Variants in DYNC1I1 observed in about 807,000 individuals in gnomAD.
The protein encoded by DYNC1I1 is cytoplasmic dynein 1 intermediate chain 1.
A neutral mutation model predicts 86.6 loss-of-function variants in DYNC1I1; 43 were observed. The ratio of observed to expected loss-of-function variants is 0.50; its 90% CI spans 0.39 to 0.64. DYNC1I1 has a LOEUF of 0.64. DYNC1I1 is among the 30% of genes least tolerant of loss of function. The pLI is 0.00. For synonymous variants in DYNC1I1, 262 were observed against 283.7 expected (o/e 0.92, Z 0.77); for missense variants, 604 against 788.8 (o/e 0.77, Z 2.81).
At chr7:95,817,607 T>C (rs1794976130) in intron 4 of DYNC1I1, among the ~76,000 whole-genome samples, 1 of 152,216 alleles carries the variant, frequency 6.6e-6, no homozygotes, top group Non-Finnish European at 1.5e-5. Flanking sequence ...GATCCTCTCA[T>C]AGAACATGTT....
intron 6 of DYNC1I1, among the ~76,000 whole-genome samples, chr7:95,937,825 A>G (rs573558694): frequency 6.6e-6 from 1 of 152,230 alleles, no homozygotes; most frequent in East Asian, 1.9e-4. Context: ...ATACAGAAAA[A>G]CAAGAAGAAA....
chr7:95,774,876 C>T (rs571528187), intron 1 of DYNC1I1, among the ~76,000 whole-genome samples: 51 of 152,306 alleles, frequency 3.3e-4, no homozygotes, highest in African/African-American at 1.1e-3. Context: ...ATCCTGTTAC[C>T]GTTTTCTCCA....
At chr7:95,930,074 A>G (rs543000050) in intron 6 of DYNC1I1, among the ~76,000 whole-genome samples, 32 of 152,338 alleles carry the variant, frequency 2.1e-4, no homozygotes, top group Admixed American at 1.5e-3. Flanking sequence ...GCATTGACAG[A>G]TGGCTCCCCA....
At chr7:95,846,409 G>T (rs1789426667) in intron 5 of DYNC1I1, among the ~76,000 whole-genome samples, 1 of 152,000 alleles carries the variant, frequency 6.6e-6, no homozygotes, top group East Asian at 1.9e-4. Flanking sequence ...CTTCTGTTCA[G>T]GAAAAATGCT....
chr7:95,855,188 T>A (rs1789686920), intron 5 of DYNC1I1, among the ~76,000 whole-genome samples: 1 of 152,208 alleles, frequency 6.6e-6, no homozygotes, highest in South Asian at 2.1e-4. Flanking sequence ...TATACTTCAT[T>A]TCTGAAGGAC....
chr7:95,922,435 TTTTGCTCGG>T (rs1185247068), intron 6 of DYNC1I1, among the ~76,000 whole-genome samples: 1 of 152,102 alleles, frequency 6.6e-6, no homozygotes, highest in Non-Finnish European at 1.5e-5. Flanking sequence ...CCAAAACCTA[TTTTGCTCGG>T]TTTGCCTTTC....
intron 6 of DYNC1I1, among the ~76,000 whole-genome samples, chr7:95,901,216 A>G (rs1391128460): frequency 6.6e-6 from 1 of 152,220 alleles, no homozygotes; most frequent in African/African-American, 2.4e-5. Flanking sequence ...ACAGTCATTG[A>G]CTAGTGCCCA....
At chr7:95,814,741 T>C (rs1199609017) in intron 4 of DYNC1I1, among the ~76,000 whole-genome samples, 1 of 152,092 alleles carries the variant, frequency 6.6e-6, no homozygotes, top group Non-Finnish European at 1.5e-5. Flanking sequence ...ACTTGAATAT[T>C]TTGTTTTCGT....
intron 5 of DYNC1I1, among the ~76,000 whole-genome samples, chr7:95,839,536 A>G (rs1254748327): frequency 6.6e-6 from 1 of 152,118 alleles, no homozygotes; most frequent in African/African-American, 2.4e-5. Flanking sequence ...TACATAATTT[A>G]GTTATAGTCA....
At chr7:96,086,002 C>G (rs1790669122) in intron 16 of DYNC1I1, among the ~76,000 whole-genome samples, 1 of 152,142 alleles carries the variant, frequency 6.6e-6, no homozygotes, top group Non-Finnish European at 1.5e-5. Context: ...TGCCATGTCT[C>G]CATTACTGAA....
intron 6 of DYNC1I1, among the ~76,000 whole-genome samples, chr7:95,947,908 T>A (rs1316702002): frequency 6.6e-6 from 1 of 152,062 alleles, no homozygotes; most frequent in Admixed American, 6.5e-5. Context: ...GTTTGCCCTG[T>A]TGCACTGTAA....
intron 6 of DYNC1I1, among the ~76,000 whole-genome samples, chr7:95,889,151 C>T (rs1264108465): frequency 6.6e-6 from 1 of 152,118 alleles, no homozygotes; most frequent in African/African-American, 2.4e-5. Flanking sequence ...TGGCTGTATA[C>T]TCAAAATTGT....
intron 5 of DYNC1I1, among the ~76,000 whole-genome samples, chr7:95,843,711 A>AG (rs1354376715): frequency 6.6e-6 from 1 of 152,210 alleles, no homozygotes; most frequent in Non-Finnish European, 1.5e-5. Context: ...AGAAAAAAAA[A>AG]TGACTTCAAG....
chr7:95,789,179 G>A (rs778986868), intron 1 of DYNC1I1, among the ~76,000 whole-genome samples: 3 of 152,198 alleles, frequency 2.0e-5, no homozygotes, highest in South Asian at 2.1e-4. Context: ...TTATCCATTC[G>A]TGTACAAAAT....
intron 16 of DYNC1I1, among the ~76,000 whole-genome samples, chr7:96,090,218 A>T (rs1790800154): frequency 6.6e-6 from 1 of 152,038 alleles, no homozygotes; most frequent in African/African-American, 2.4e-5. Flanking sequence ...TTTGTGAATT[A>T]ACTCTTTCTT....
intron 1 of DYNC1I1, among the ~76,000 whole-genome samples, chr7:95,798,383 G>A (rs1430518611): frequency 6.9e-6 from 1 of 144,666 alleles, no homozygotes; most frequent in Non-Finnish European, 1.5e-5. Flanking sequence ...GTGGTCGTCT[G>A]TATCATCCCT....
chr7:95,773,097 CG>C (rs1793748289), intron 1 of DYNC1I1, among the ~76,000 whole-genome samples: 1 of 152,182 alleles, frequency 6.6e-6, no homozygotes, highest in South Asian at 2.1e-4. Context: ...CGGTCTTCCC[CG>C]GGGGAGCAGT....
chr7:96,080,306 T>C, intron 15 of DYNC1I1, 57 bp from the exon 16 acceptor site: 1 of 1,520,978 alleles, frequency 6.6e-7, no homozygotes, highest in Non-Finnish European at 8.8e-7. Context: ...ATTGTAAATT[T>C]GTATATTTAA....
intron 16 of DYNC1I1, among the ~76,000 whole-genome samples, chr7:96,089,895 T>A (rs934299892): frequency 6.6e-6 from 1 of 152,184 alleles, no homozygotes; most frequent in African/African-American, 2.4e-5. Flanking sequence ...AACCTATAGT[T>A]AATAATATCA....
Sources: gnomAD v4.1 joint callset for allele counts (sites outside exome capture counted in the v4.1 genomes callset) on GRCh38, gnomAD v4.1.1 for gene constraint, MANE v1.5 for transcripts, NCBI Gene and HGNC (gene_info 2026-07-23, HGNC 2026-07-21) for gene names.